The following PDE3B variants were observed in gnomAD, a reference collection of about 807,000 sequenced individuals.
PDE3B encodes phosphodiesterase 3B.
In PDE3B, 66 loss-of-function variants were observed where a neutral mutation model predicts 116.8. The observed-to-expected ratio is 0.56, with a 90% confidence interval of 0.46 to 0.69. PDE3B has a LOEUF of 0.69. Ranked by LOEUF, PDE3B falls within the 30% of genes least tolerant of loss-of-function variation. The probability of loss-of-function intolerance (pLI) is 0.00; values close to 1 mark genes in which losing one functional copy is unlikely to be tolerated. For missense variants in PDE3B, 1,384 were observed against 1,368.1 expected (o/e 1.01, Z -0.18); for synonymous variants, 595 against 533.6 (o/e 1.12, Z -1.59).
the PDE3B span, among the ~76,000 whole-genome samples, chr11:14,883,219 T>A: frequency 6.6e-6 from 1 of 151,400 alleles, no homozygotes; most frequent in Admixed American, 6.6e-5. Flanking sequence ...AGAGCCTGCA[T>A]CGCCAAGTCA....
At chr11:14,866,811 C>T (rs1470365479) in intron 14 of PDE3B, among the ~76,000 whole-genome samples, 8 of 152,138 alleles carry the variant, frequency 5.3e-5, no homozygotes, top group African/African-American at 1.9e-4. Context: ...CCTTTAACCT[C>T]ATCATAGCAT....
the PDE3B span, among the ~76,000 whole-genome samples, chr11:14,888,541 T>A: frequency 6.6e-6 from 1 of 152,162 alleles, no homozygotes; most frequent in Non-Finnish European, 1.5e-5. Context: ...CCATACCAAG[T>A]CTTTAGGGAC....
rs1213198903 is a variant in PDE3B at position 14,830,737 on chromosome 11, T to A, written c.1847T>A (p.Leu616His). ...ENIFSKESFK[L>H]METQQEEETE... ...ATTTTCTCGAAAGAATCATTCAAAC[T>A]TATGGAAACTCAACAAGAAGAGGAA... is the stretch of plus-strand genomic sequence containing the variant. Residue 616 changes from leucine to histidine, a missense_variant, in exon 8 of 16, where the codon CTT becomes CAT. Around this residue, in one of 2 missense-constraint regions of PDE3B, gnomAD observed 956 missense variants for 806.8 expected, o/e 1.18. Coordinates refer to ENST00000282096, the MANE Select transcript of PDE3B (RefSeq NM_000922.4). 5.4e-6 allele frequency: 8 copies of A among 1,493,268 alleles called. No individual in the cohort carries two copies. The highest frequency in any genetic ancestry group is 6.2e-6 in the Non-Finnish European group (7 of 1,122,638). 92.5% of individuals were successfully genotyped at this position (1,493,268 alleles called of 1,614,324 possible). A position where few individuals can be genotyped will look rare whatever the true frequency, so the allele number is the denominator to read the frequency against.
intron 1 of PDE3B, among the ~76,000 whole-genome samples, chr11:14,653,711 G>A (rs1395112892): frequency 6.6e-6 from 1 of 152,088 alleles, no homozygotes; most frequent in Non-Finnish European, 1.5e-5. Flanking sequence ...TAAAAAAACT[G>A]TCGCTGGCCG....
At chr11:14,832,700 C>T in intron 9 of PDE3B, 22 bp from the exon 10 acceptor site, 2 of 896,122 alleles carry the variant, frequency 2.2e-6, no homozygotes, top group Non-Finnish European at 3.5e-6. Flanking sequence ...TTAAAGTAAA[C>T]TTTATTTTAA....
At chr11:14,892,369 T>C in the PDE3B span, 1 of 665,148 alleles carries the variant, frequency 1.5e-6, no homozygotes, top group Non-Finnish European at 2.6e-6. Context: ...AACTACCTTC[T>C]AGTTTTGCGC....
At chr11:14,836,482 T>C (rs1018101836) in intron 11 of PDE3B, among the ~76,000 whole-genome samples, 12 of 152,196 alleles carry the variant, frequency 7.9e-5, no homozygotes, top group Non-Finnish European at 1.8e-4. Flanking sequence ...GTTTCTATCA[T>C]GCTCTTCAAA....
Position 14,644,647 on chromosome 11 carries a change from A to C in PDE3B, c.572A>C (p.Glu191Ala), listed in dbSNP as rs769299614. The C allele has an allele frequency of 4.7e-6, 7 of 1,503,088 alleles. No homozygotes were observed. The South Asian group carries it at 7.9e-5, about 17-fold the overall frequency. 93.1% of individuals were successfully genotyped at this position (1,503,088 alleles called of 1,614,324 possible). A position where few individuals can be genotyped will look rare whatever the true frequency, so the allele number is the denominator to read the frequency against. The change falls in exon 1 of 16, where the codon GAG becomes GCG. Residue 191 changes from glutamate (E) to alanine (A), a missense_variant. By Grantham distance (107) the Glu-to-Ala change is moderately radical. Around this residue, in one of 2 missense-constraint regions of PDE3B, gnomAD observed 956 missense variants for 806.8 expected, o/e 1.18. Coordinates refer to ENST00000282096, the MANE Select transcript of PDE3B (RefSeq NM_000922.4). ...TCCGCGGCCCCGCACACGCCCCCGG[A>C]GGCGGCAGCGGGCAGGTTGCTGCTG... ...AGSAAPHTPP[E>A]AAAGRLLLVL...
chr11:14,729,339 C>A (rs1489016927), intron 1 of PDE3B, among the ~76,000 whole-genome samples: 1 of 152,156 alleles, frequency 6.6e-6, no homozygotes, highest in East Asian at 1.9e-4. Context: ...TGTAAAATAA[C>A]ATTTCAAAGA....
chr11:14,748,968 A>G (rs577451219), intron 1 of PDE3B, among the ~76,000 whole-genome samples: 88 of 149,324 alleles, frequency 5.9e-4, no homozygotes, highest in Non-Finnish European at 9.5e-4. Context: ...GGCTCACTGC[A>G]GCTTCCGCCG....
intron 1 of PDE3B, chr11:14,673,906 CT>C: frequency 6.9e-7 from 1 of 1,439,522 alleles, no homozygotes; most frequent in South Asian, 1.1e-5. Flanking sequence ...CCTGCCACAA[CT>C]TCATTAACCG....
At chr11:14,704,622 G>A (rs1326593362) in intron 1 of PDE3B, among the ~76,000 whole-genome samples, 2 of 151,652 alleles carry the variant, frequency 1.3e-5, no homozygotes, top group African/African-American at 4.8e-5. Flanking sequence ...TTGGTTTTTG[G>A]CAAAGGTGGT....
At chr11:14,886,213 TAA>T in the PDE3B span, 1 of 375,856 alleles carries the variant, frequency 2.7e-6, no homozygotes, top group East Asian at 5.4e-5. Context: ...ATTAAACAGA[TAA>T]AAGACTCTGA....
intron 7 of PDE3B, among the ~76,000 whole-genome samples, chr11:14,830,114 T>C (rs1379954649): frequency 6.6e-6 from 1 of 152,162 alleles, no homozygotes; most frequent in Non-Finnish European, 1.5e-5. Context: ...TTTATTCTAC[T>C]GTCGATAGGT....
At position 14,867,598 on chromosome 11, in the gene PDE3B, C is replaced by A; in HGVS notation, c.2979C>A (p.Thr993=). 2 of 1,613,964 alleles carry A rather than the reference C, an allele frequency of 1.2e-6. No homozygotes were observed. Among genetic ancestry groups the A allele is most frequent in the South Asian group, 2.2e-5 (2 of 91,072 alleles). The change falls in exon 15 of 16, where the codon ACC becomes ACA. Residue 993 remains threonine, a synonymous_variant. Transcript: ENST00000282096. Reference sequence around the variant, plus strand: ...CAAAACTCCAAGAATCTTTTATCACCCACATAGTGGGTCCCCTGTGTAACT... The same window carrying A: ...CAAAACTCCAAGAATCTTTTATCACACACATAGTGGGTCCCCTGTGTAACT... ...QLAKLQESFI[T]HIVGPLCNSY...
At chr11:14,656,399 A>G (rs1211514587) in intron 1 of PDE3B, among the ~76,000 whole-genome samples, 1 of 152,176 alleles carries the variant, frequency 6.6e-6, no homozygotes, top group Non-Finnish European at 1.5e-5. Context: ...CTGTTATTAT[A>G]TTTATACTTA....
intron 1 of PDE3B, among the ~76,000 whole-genome samples, chr11:14,662,195 CAG>C (rs940297026): frequency 1.7e-4 from 26 of 152,330 alleles, no homozygotes; most frequent in African/African-American, 5.3e-4. Flanking sequence ...CCCAGGCAAA[CAG>C]GGTCTGGAGT....
At chr11:14,711,314 C>G (rs1482529539) in intron 1 of PDE3B, among the ~76,000 whole-genome samples, 2 of 152,172 alleles carry the variant, frequency 1.3e-5, no homozygotes, top group South Asian at 2.1e-4. Context: ...CAGGGCCCAA[C>G]TTGTCTGAAG....
intron 5 of PDE3B, among the ~76,000 whole-genome samples, chr11:14,816,448 C>T (rs1357144409): frequency 6.6e-6 from 1 of 152,142 alleles, no homozygotes; most frequent in Non-Finnish European, 1.5e-5. Context: ...GGTTATAAAT[C>T]TGCCTGCATC....
Sources: allele counts gnomAD v4.1 joint callset (sites outside exome capture counted in the v4.1 genomes callset), GRCh38; gene constraint gnomAD v4.1.1; regional missense constraint gnomAD v4.1.1; transcripts MANE v1.5; gene names NCBI Gene and HGNC (gene_info 2026-07-23, HGNC 2026-07-21).